GALNT13: variants seen among roughly 807,000 people sequenced by gnomAD.
GALNT13 encodes the protein polypeptide N-acetylgalactosaminyltransferase 13.
Under a neutral mutation model 64.2 loss-of-function variants are expected in GALNT13, and 28 were observed. The observed-to-expected ratio is 0.44, with a 90% confidence interval of 0.32 to 0.60. GALNT13 has a LOEUF of 0.60. Among genes scored for constraint, GALNT13 ranks in the 20% least tolerant of loss-of-function variants. GALNT13 has a pLI of 0.05. For synonymous variants in GALNT13, 214 were observed against 224.6 expected (o/e 0.95, Z 0.42); for missense variants, 577 against 669.8 (o/e 0.86, Z 1.53).
chr2:153,080,429 A>C, the GALNT13 span, among the ~76,000 whole-genome samples: 2 of 152,008 alleles, frequency 1.3e-5, no homozygotes, highest in Non-Finnish European at 2.9e-5. Context: ...TTCTCCTTTG[A>C]GTTGTTTAAT....
the GALNT13 span, among the ~76,000 whole-genome samples, chr2:153,231,209 T>A: frequency 2.6e-5 from 4 of 152,288 alleles, no homozygotes; most frequent in East Asian, 7.7e-4. Context: ...TTAGGTTTCT[T>A]CTCTCACCCC....
At chr2:154,038,177 A>G (rs1170103369) in intron 3 of GALNT13, among the ~76,000 whole-genome samples, 1 of 152,142 alleles carries the variant, frequency 6.6e-6, no homozygotes, top group Non-Finnish European at 1.5e-5. Context: ...AAGAATTAAT[A>G]TTGTTACAAT....
chr2:153,614,748 T>G, the GALNT13 span, among the ~76,000 whole-genome samples: 1 of 152,132 alleles, frequency 6.6e-6, no homozygotes. Context: ...TCATTTTTAA[T>G]TATTGTGGGT....
At chr2:153,558,748 A>G in the GALNT13 span, among the ~76,000 whole-genome samples, 6 of 152,194 alleles carry the variant, frequency 3.9e-5, no homozygotes, top group Admixed American at 3.9e-4. Context: ...TATTGGTTGC[A>G]TGTTTCTCTG....
Position 154,396,150 on chromosome 2 carries a change from G to T in GALNT13, c.1296+20G>T. The T allele has an allele frequency of 1.3e-6, 2 of 1,537,872 alleles. No homozygotes were observed. On this transcript the variant is annotated intron_variant, in intron 10 of 12. Coordinates refer to ENST00000392825, the MANE Select transcript of GALNT13 (RefSeq NM_052917.4). Reference sequence around the variant, plus strand: ...GGTGAGGTATGAATTATTTATTTTGGTTAAGTTATAAATATATTTTGCAAA... The same window carrying T: ...GGTGAGGTATGAATTATTTATTTTGTTTAAGTTATAAATATATTTTGCAAA...
chr2:154,252,957 A>G (rs1559049935), intron 7 of GALNT13, among the ~76,000 whole-genome samples: 1 of 152,176 alleles, frequency 6.6e-6, no homozygotes, highest in Non-Finnish European at 1.5e-5. Flanking sequence ...CTGAAATATT[A>G]CATATCTGAA....
At chr2:153,400,758 G>A in the GALNT13 span, among the ~76,000 whole-genome samples, 8 of 152,056 alleles carry the variant, frequency 5.3e-5, no homozygotes, top group Admixed American at 4.6e-4. Flanking sequence ...ATTTCTGTGG[G>A]ATCGGTGGTG....
At chr2:154,106,298 T>C (rs1009004210) in intron 3 of GALNT13, among the ~76,000 whole-genome samples, 2 of 152,144 alleles carry the variant, frequency 1.3e-5, no homozygotes, top group African/African-American at 2.4e-5. Flanking sequence ...TTTGAGAAGA[T>C]TTTTAGTTTT....
intron 3 of GALNT13, among the ~76,000 whole-genome samples, chr2:154,126,524 A>T (rs1682275429): frequency 6.6e-6 from 1 of 151,994 alleles, no homozygotes; most frequent in Non-Finnish European, 1.5e-5. Context: ...AGTCCCAGCC[A>T]CCAGGGAGGC....
chr2:153,444,361 G>A, the GALNT13 span, among the ~76,000 whole-genome samples: 1 of 152,190 alleles, frequency 6.6e-6, no homozygotes, highest in South Asian at 2.1e-4. Flanking sequence ...TTGAGTGAGT[G>A]AATGAATGAA....
the GALNT13 span, chr2:153,421,933 A>G: frequency 7.8e-5 from 14 of 179,944 alleles, no homozygotes; most frequent in Admixed American, 6.1e-4. Context: ...AGCCTCGCCA[A>G]GGTGGATGAA....
the GALNT13 span, among the ~76,000 whole-genome samples, chr2:153,563,779 T>G: frequency 6.6e-6 from 1 of 151,980 alleles, no homozygotes; most frequent in Non-Finnish European, 1.5e-5. Flanking sequence ...AGAGGAGATC[T>G]CCATCTTTCC....
At chr2:153,160,636 C>G in the GALNT13 span, among the ~76,000 whole-genome samples, 4 of 152,140 alleles carry the variant, frequency 2.6e-5, no homozygotes, top group African/African-American at 9.7e-5. Flanking sequence ...AAGAGAGAAG[C>G]ATGTGTCCAT....
the GALNT13 span, among the ~76,000 whole-genome samples, chr2:153,427,730 T>C: frequency 6.6e-6 from 1 of 152,218 alleles, no homozygotes; most frequent in East Asian, 1.9e-4. Context: ...AGCACATTCA[T>C]ATGGTTTACA....
At chr2:153,889,652 A>G (rs1687420504) in intron 1 of GALNT13, among the ~76,000 whole-genome samples, 1 of 152,078 alleles carries the variant, frequency 6.6e-6, no homozygotes, top group East Asian at 1.9e-4. Flanking sequence ...CTGGGTATAT[A>G]AAATTGTGGG....
the GALNT13 span, among the ~76,000 whole-genome samples, chr2:153,831,120 C>A: frequency 1.3e-5 from 2 of 152,124 alleles, no homozygotes; most frequent in Non-Finnish European, 2.9e-5. Flanking sequence ...TTTGGAGTAT[C>A]GTTTCTCATG....
the GALNT13 span, among the ~76,000 whole-genome samples, chr2:153,103,272 T>C: frequency 2.0e-5 from 3 of 151,890 alleles, no homozygotes; most frequent in African/African-American, 7.3e-5. Context: ...ACTGTCCTTC[T>C]TTCTGTTCTT....
chr2:153,900,536 A>G (rs1688168006), intron 1 of GALNT13, among the ~76,000 whole-genome samples: 1 of 152,202 alleles, frequency 6.6e-6, no homozygotes, highest in African/African-American at 2.4e-5. Flanking sequence ...ATGTCAGATA[A>G]TAGTACCTTT....
chr2:154,060,544 C>T (rs1700123373), intron 3 of GALNT13, among the ~76,000 whole-genome samples: 1 of 151,958 alleles, frequency 6.6e-6, no homozygotes, highest in African/African-American at 2.4e-5. Context: ...TTAATAGAGA[C>T]AGAGTTTCAC....
Sources: allele counts gnomAD v4.1 joint callset (sites outside exome capture counted in the v4.1 genomes callset), GRCh38; gene constraint gnomAD v4.1.1; transcripts MANE v1.5; gene names NCBI Gene and HGNC (gene_info 2026-07-23, HGNC 2026-07-21).